The following PRKD1 variants were observed in gnomAD, a reference collection of about 807,000 sequenced individuals.
The protein encoded by PRKD1 is protein kinase D1.
In PRKD1, 63 loss-of-function variants were observed where a neutral mutation model predicts 95.9. The ratio of observed to expected loss-of-function variants is 0.66; its 90% CI spans 0.54 to 0.81. PRKD1 has a LOEUF of 0.81. PRKD1 is among the 30% of genes least tolerant of loss of function. The pLI is 0.00. For synonymous variants in PRKD1, 425 were observed against 423.1 expected (o/e 1.00, Z -0.05); for missense variants, 1,048 against 1,165.3 (o/e 0.90, Z 1.47).
chr14:29,798,901 T>G (rs1374465823), intron 1 of PRKD1, among the ~76,000 whole-genome samples: 1 of 152,212 alleles, frequency 6.6e-6, no homozygotes, highest in Non-Finnish European at 1.5e-5. Flanking sequence ...ATCTCATCAG[T>G]AGTTGAGCTG....
intron 2 of PRKD1, among the ~76,000 whole-genome samples, chr14:29,687,037 C>T (rs1594428063): frequency 6.6e-6 from 1 of 151,988 alleles, no homozygotes; most frequent in Admixed American, 6.5e-5. Context: ...CTAAGTCCTC[C>T]TGAGGCAAAG....
At chr14:29,803,058 T>C (rs1241106564) in intron 1 of PRKD1, among the ~76,000 whole-genome samples, 2 of 152,234 alleles carry the variant, frequency 1.3e-5, no homozygotes, top group African/African-American at 4.8e-5. Context: ...TCAAAAGCCA[T>C]GCAAGACTAT....
intron 1 of PRKD1, among the ~76,000 whole-genome samples, chr14:29,896,702 T>G (rs1260803321): frequency 2.8e-5 from 4 of 144,940 alleles, no homozygotes; most frequent in Admixed American, 6.9e-5. Context: ...TTACAATTTA[T>G]TATGAGAATT....
intron 1 of PRKD1, among the ~76,000 whole-genome samples, chr14:29,755,832 A>G (rs1352423222): frequency 1.3e-5 from 2 of 152,128 alleles, no homozygotes; most frequent in Non-Finnish European, 2.9e-5. Flanking sequence ...CTCACTTTCA[A>G]CTTTGTTTAA....
chr14:29,606,560 T>A (rs1893710418), intron 13 of PRKD1, among the ~76,000 whole-genome samples: 1 of 152,162 alleles, frequency 6.6e-6, no homozygotes, highest in African/African-American at 2.4e-5. Context: ...AATATCTAGC[T>A]CTTAATAAGG....
chr14:29,634,350 C>A (rs78979498), intron 8 of PRKD1, 68 bp downstream of exon 8: 1 of 1,608,772 alleles, frequency 6.2e-7, no homozygotes, highest in Non-Finnish European at 8.5e-7. Context: ...ACAGTCCTCA[C>A]GGGACATTAG....
chr14:29,787,732 A>G lies in PRKD1; in HGVS notation c.265-62058T>C, dbSNP rs560158132. On this transcript the variant is annotated intron_variant, in intron 1 of 17. Transcript: ENST00000331968. ...ATTTTATGTGTGTCTACAGTTTCTC[A>G]TAGGTGAAGAAAGCTTCTTGCAGGC... is the stretch of plus-strand genomic sequence containing the variant. 7.9e-5 allele frequency among the ~76,000 whole-genome samples: 12 copies of G among 152,046 alleles called. No individual in the cohort carries two copies. The South Asian group carries it at 2.5e-3, about 32-fold the overall frequency.
intron 9 of PRKD1, among the ~76,000 whole-genome samples, chr14:29,631,340 C>T (rs548812841): frequency 1.3e-5 from 2 of 152,226 alleles, no homozygotes; most frequent in Non-Finnish European, 2.9e-5. Context: ...ATTTTTGTAA[C>T]AGTGAGGTAG....
At chr14:29,599,228 T>C in intron 14 of PRKD1, 103 bp from the exon 15 acceptor site, 1 of 931,532 alleles carries the variant, frequency 1.1e-6, no homozygotes. Flanking sequence ...GACATTCAAA[T>C]TTCTTTATGT....
chr14:29,671,617 A>G (rs1221341451), intron 2 of PRKD1, among the ~76,000 whole-genome samples: 2 of 152,196 alleles, frequency 1.3e-5, no homozygotes, highest in Non-Finnish European at 2.9e-5. Flanking sequence ...AAAAATAGGA[A>G]GAAGTAACAT....
chr14:29,851,091 A>T (rs1384854499), intron 1 of PRKD1, among the ~76,000 whole-genome samples: 1 of 152,154 alleles, frequency 6.6e-6, no homozygotes, highest in Non-Finnish European at 1.5e-5. Flanking sequence ...TTGATTAAAG[A>T]CTTAAATATA....
intron 2 of PRKD1, among the ~76,000 whole-genome samples, chr14:29,721,138 C>T (rs550175439): frequency 2.6e-5 from 4 of 152,210 alleles, no homozygotes; most frequent in East Asian, 1.9e-4. Context: ...TGTCATAGCC[C>T]GAGAATAGGC....
Position 29,663,725 on chromosome 14 carries a change from T to G in PRKD1, c.670A>C (p.Thr224Pro). Reference sequence around the variant, plus strand: ...AGAAGGGGCTCATCAGGGGCACTTGTAGAGAGTTCAGCAGATGATGTGCGG... The same window carrying G: ...AGAAGGGGCTCATCAGGGGCACTTGGAGAGAGTTCAGCAGATGATGTGCGG... ...TIRTSSAELS[T>P]SAPDEPLLQK... Residue 224 changes from threonine to proline, a missense_variant, in exon 4 of 18, where the codon ACA (threonine) becomes CCA (proline). Transcript: ENST00000331968. The G allele has an allele frequency of 6.2e-7, 1 of 1,613,884 alleles. No individual in the cohort carries two copies. Among genetic ancestry groups the G allele is most frequent in the Non-Finnish European group, 8.5e-7 (1 of 1,179,918 alleles).
chr14:29,788,591 C>T (rs1889379798), intron 1 of PRKD1, among the ~76,000 whole-genome samples: 1 of 152,072 alleles, frequency 6.6e-6, no homozygotes, highest in Non-Finnish European at 1.5e-5. Flanking sequence ...ATTATGTAGG[C>T]TTTCTTTATT....
intron 2 of PRKD1, among the ~76,000 whole-genome samples, chr14:29,718,190 T>C (rs1002811582): frequency 3.9e-5 from 6 of 152,152 alleles, no homozygotes; most frequent in Non-Finnish European, 8.8e-5. Context: ...TCTTGAATTG[T>C]AATCCCCACG....
rs553645564 is a variant in PRKD1 at position 29,716,676 on chromosome 14, A to T, written c.403+8860T>A. Among the ~76,000 whole-genome samples, 3 of 152,346 alleles carry T rather than the reference A, an allele frequency of 2.0e-5. No individual in the cohort carries two copies. In the South Asian group the frequency reaches 6.2e-4, roughly 32 times the overall value. ...AAATGAGATGAGTATTGGGGGGTAC[A>T]TCAAAAAGGAGTAACTACTGAATAC... On this transcript the variant is annotated intron_variant, in intron 2 of 17. Transcript: ENST00000331968.
At chr14:29,859,519 A>G (rs796882765) in intron 1 of PRKD1, among the ~76,000 whole-genome samples, 5 of 151,984 alleles carry the variant, frequency 3.3e-5, no homozygotes, top group African/African-American at 1.2e-4. Flanking sequence ...GAGGCAGGAG[A>G]ATGGCATGAA....
chr14:29,736,875 T>C (rs531206195), intron 1 of PRKD1, among the ~76,000 whole-genome samples: 30 of 152,306 alleles, frequency 2.0e-4, no homozygotes, highest in African/African-American at 6.7e-4. Context: ...AATGAGTAGC[T>C]GAAATGTGAC....
At position 29,737,328 on chromosome 14, in the gene PRKD1, CAAAAAAAAAAAAAAAAAAAAA is replaced by C. The variant is rs796557046; in HGVS notation, c.265-11675_265-11655del. Among the ~76,000 whole-genome samples, 7 of 37,932 alleles carry C rather than the reference CAAAAAAAAAAAAAAAAAAAAA, an allele frequency of 1.8e-4. No individual in the cohort carries two copies. The Admixed American group carries it at 2.5e-3, about 13-fold the overall frequency. The allele number at this position is 37,932 out of a possible 152,430, so 24.9% of individuals were successfully genotyped here. On this transcript the variant is annotated intron_variant, in intron 1 of 17. Coordinates refer to ENST00000331968, the MANE Select transcript of PRKD1 (RefSeq NM_002742.3). ...TGGGCGACAGAGCGAGACTCCGTCT[CAAAAAAAAAAAAAAAAAAAAA>C]AAAAAAAAAAAAATACTCTGCCAGT...
Sources: gnomAD v4.1 joint callset for allele counts (sites outside exome capture counted in the v4.1 genomes callset) on GRCh38, gnomAD v4.1.1 for gene constraint, MANE v1.5 for transcripts, NCBI Gene and HGNC (gene_info 2026-07-23, HGNC 2026-07-21) for gene names.